Variants in TNFAIP8 observed in about 807,000 individuals in gnomAD.
The protein encoded by TNFAIP8 is TNF alpha induced protein 8.
In TNFAIP8, 7 loss-of-function variants were observed where a neutral mutation model predicts 13.3. The observed-to-expected ratio is 0.52, with a 90% CI of 0.30 to 0.99. The LOEUF is 0.99. Among genes scored for constraint, TNFAIP8 ranks in the 50% least tolerant of loss-of-function variants. TNFAIP8 has a pLI of 0.07. For synonymous variants in TNFAIP8, 94 were observed against 87.6 expected, an observed-to-expected ratio of 1.07 and a Z score of -0.41; for missense variants, 258 against 236.9, an observed-to-expected ratio of 1.09 and a Z score of -0.58.
intron 1 of TNFAIP8, among the ~76,000 whole-genome samples, chr5:119,274,568 C>T (rs116254894): frequency 1.2e-4 from 18 of 152,312 alleles, no homozygotes; most frequent in African/African-American, 4.1e-4. Context: ...TTTGCACACA[C>T]GTAGCCACTT....
intron 1 of TNFAIP8, among the ~76,000 whole-genome samples, chr5:119,337,103 C>A (rs116723275): frequency 0.01 from 1,555 of 152,322 alleles, 22 homozygotes; most frequent in African/African-American, 0.035. Flanking sequence ...TGTCTCCTAG[C>A]CTGTATCCAG....
intron 1 of TNFAIP8, among the ~76,000 whole-genome samples, chr5:119,345,268 A>C (rs1035072190): frequency 6.6e-6 from 1 of 152,234 alleles, no homozygotes; most frequent in African/African-American, 2.4e-5. Context: ...GTACACAGTA[A>C]TTTAAAGGAA....
chr5:119,383,625 C>T (rs1006260407), intron 1 of TNFAIP8, among the ~76,000 whole-genome samples: 1 of 152,188 alleles, frequency 6.6e-6, no homozygotes, highest in African/African-American at 2.4e-5. Flanking sequence ...GCCTCCAAGA[C>T]TTCTTTGCAC....
upstream of TNFAIP8, among the ~76,000 whole-genome samples, chr5:119,351,334 A>G (rs1010922500): frequency 6.6e-6 from 1 of 152,030 alleles, no homozygotes; most frequent in Non-Finnish European, 1.5e-5. Flanking sequence ...GCCTTACTCT[A>G]TTTGTATTGT....
intron 1 of TNFAIP8, among the ~76,000 whole-genome samples, chr5:119,272,906 TAA>T (rs1748332214): frequency 6.6e-6 from 1 of 152,148 alleles, no homozygotes; most frequent in Admixed American, 6.5e-5. Flanking sequence ...TCTTTTCCAC[TAA>T]AAACAAGGGT....
rs114711548 is a variant in TNFAIP8 at position 119,373,912 on chromosome 5, T to C, written c.31+17791T>C. 4.4e-3 allele frequency among the ~76,000 whole-genome samples: 670 copies of C among 152,320 alleles called. 8 individuals carry two copies. Among genetic ancestry groups the C allele is most frequent in the African/African-American group, 0.015 (613 of 41,568 alleles). The stretch of plus-strand genomic sequence containing the variant: ...TTTGTGCCATGTAGGTAGATGGGGA[T>C]TCATAGCCTTTGGCAGGCAACAATA... On this transcript the variant is annotated intron_variant, in intron 1 of 1. Transcript: ENST00000504771.
chr5:119,369,015 G>A (rs1245306083), intron 1 of TNFAIP8, among the ~76,000 whole-genome samples: 4 of 151,468 alleles, frequency 2.6e-5, no homozygotes, highest in Non-Finnish European at 4.4e-5. Flanking sequence ...GAAAAAAAGG[G>A]AACTGTTAAC....
Position 119,348,562 on chromosome 5 carries a change from T to C in TNFAIP8, c.2-44254T>C, listed in dbSNP as rs140956961. Among the ~76,000 whole-genome samples, 56 of 152,174 alleles carry C rather than the reference T, an allele frequency of 3.7e-4. 1 individual carries two copies. The highest frequency in any genetic ancestry group is 1.2e-3 in the African/African-American group (50 of 41,512). ...CTGTTGCCGGTGATGTGATAGGAGATTGCTTCACCAGCCAGGTAGAGGATT... is the reference window on the plus strand; with the variant it reads ...CTGTTGCCGGTGATGTGATAGGAGACTGCTTCACCAGCCAGGTAGAGGATT... On this transcript the variant is annotated intron_variant, in intron 1 of 1. Coordinates refer to the TNFAIP8 transcript ENST00000274456.
intron 1 of TNFAIP8, among the ~76,000 whole-genome samples, chr5:119,381,475 G>A (rs1752481257): frequency 6.6e-6 from 1 of 152,116 alleles, no homozygotes; most frequent in South Asian, 2.1e-4. Context: ...AGGAAGTTGA[G>A]GCTGCAGTGA....
chr5:119,271,974 C>A (rs1237011671), intron 1 of TNFAIP8, among the ~76,000 whole-genome samples: 1 of 152,196 alleles, frequency 6.6e-6, no homozygotes, highest in African/African-American at 2.4e-5. Context: ...TCTGAGCCAA[C>A]TGCAGTTTCT....
At chr5:119,274,189 GA>G (rs201840428) in intron 1 of TNFAIP8, among the ~76,000 whole-genome samples, 4 of 151,518 alleles carry the variant, frequency 2.6e-5, no homozygotes, top group East Asian at 1.9e-4. Flanking sequence ...ATGCAGACAC[GA>G]AAAAAAATGC....
At chr5:119,384,226 T>G (rs1297110558) in intron 1 of TNFAIP8, among the ~76,000 whole-genome samples, 1 of 152,244 alleles carries the variant, frequency 6.6e-6, no homozygotes, top group Non-Finnish European at 1.5e-5. Context: ...GGCTCACGCC[T>G]GTAATCCTAG....
chr5:119,341,854 T>C (rs1750749298), intron 1 of TNFAIP8, among the ~76,000 whole-genome samples: 1 of 152,206 alleles, frequency 6.6e-6, no homozygotes, highest in Non-Finnish European at 1.5e-5. Flanking sequence ...AAACTCTCAC[T>C]TCTGCTTTGC....
At chr5:119,322,824 A>G (rs1750105351) in intron 1 of TNFAIP8, among the ~76,000 whole-genome samples, 1 of 152,114 alleles carries the variant, frequency 6.6e-6, no homozygotes, top group Non-Finnish European at 1.5e-5. Context: ...GGTGCCTCCC[A>G]AACTTACATT....
intron 1 of TNFAIP8, among the ~76,000 whole-genome samples, chr5:119,345,353 A>G (rs891770545): frequency 4.6e-5 from 7 of 152,214 alleles, no homozygotes; most frequent in African/African-American, 1.7e-4. Flanking sequence ...GAATTACCAT[A>G]TGATTTAGCA....
chr5:119,351,642 T>C (rs1287178305), upstream of TNFAIP8, among the ~76,000 whole-genome samples: 1 of 152,228 alleles, frequency 6.6e-6, no homozygotes, highest in Non-Finnish European at 1.5e-5. Flanking sequence ...GGAGCATCTG[T>C]ACTCAGCACT....
At chr5:119,347,945 T>C (rs902760560) in intron 1 of TNFAIP8, among the ~76,000 whole-genome samples, 2 of 152,244 alleles carry the variant, frequency 1.3e-5, no homozygotes, top group Admixed American at 6.5e-5. Context: ...GACTTTCAAA[T>C]AGATCTCAGA....
intron 1 of TNFAIP8, among the ~76,000 whole-genome samples, chr5:119,282,737 A>G (rs1271416754): frequency 6.6e-6 from 1 of 151,986 alleles, no homozygotes; most frequent in Non-Finnish European, 1.5e-5. Flanking sequence ...TTTTCTGACC[A>G]CTGCATCAGT....
At chr5:119,306,863 A>C (rs1399608949) in intron 1 of TNFAIP8, among the ~76,000 whole-genome samples, 1 of 152,178 alleles carries the variant, frequency 6.6e-6, no homozygotes, top group Non-Finnish European at 1.5e-5. Context: ...AAATAAAACA[A>C]ATAAGACATC....
Sources: gnomAD v4.1 joint callset for allele counts (sites outside exome capture counted in the v4.1 genomes callset) on GRCh38, gnomAD v4.1.1 for gene constraint, MANE v1.5 for transcripts, NCBI Gene and HGNC (gene_info 2026-07-23, HGNC 2026-07-21) for gene names.